MAP4K1: variants seen among roughly 807,000 people sequenced by gnomAD.
MAP4K1 encodes mitogen-activated protein kinase kinase kinase kinase 1, also known as MAPK/ERK kinase kinase kinase 1.
MAP4K1 carries 35 observed loss-of-function variants against 122.8 expected under a neutral mutation model. The observed-to-expected ratio is 0.29, with a 90% CI of 0.22 to 0.38. The LOEUF (loss-of-function observed/expected upper bound fraction) is 0.38, where lower values mean the gene tolerates loss of function less well. Among genes scored for constraint, MAP4K1 ranks in the 10% least tolerant of loss-of-function variants. The probability of loss-of-function intolerance (pLI) is 1.00; values close to 1 mark genes in which losing one functional copy is unlikely to be tolerated. For missense variants in MAP4K1, 791 were observed against 1,072.6 expected (o/e 0.74, Z 3.67); for synonymous variants, 412 against 421.3 (o/e 0.98, Z 0.27).
At chr19:38,601,765 C>T (rs1975073448) in intron 19 of MAP4K1, 1 of 492,416 alleles carries the variant, frequency 2.0e-6, no homozygotes, top group African/African-American at 2.0e-5. Flanking sequence ...TTTTCCTCCA[C>T]TATCCTAAAT....
At chr19:38,599,204 C>T (rs2144708843) in intron 22 of MAP4K1, among the ~76,000 whole-genome samples, 1 of 149,578 alleles carries the variant, frequency 6.7e-6, no homozygotes, top group Middle Eastern at 3.5e-3. Context: ...AAAAAAAAGC[C>T]AGTCATGATG....
Position 38,617,494 on chromosome 19 carries a change from C to G in MAP4K1, c.158-50G>C, listed in dbSNP as rs28435554. Reference sequence around the variant, plus strand: ...GGCAGCTCGCATGGGGAGAGAGCTACAGGGGAGGTGATCCCAGTGTCCCAG... The same window carrying G: ...GGCAGCTCGCATGGGGAGAGAGCTAGAGGGGAGGTGATCCCAGTGTCCCAG... On this transcript the variant is annotated intron_variant, in intron 2 of 30. Coordinates refer to ENST00000396857, the MANE Select transcript of MAP4K1 (RefSeq NM_001042600.3). This position sits in a 1 kb window ranked among gnomAD's most constrained non-coding sequence, Gnocchi z 4.1. 1,644 of 1,602,722 alleles carry G rather than the reference C, an allele frequency of 1.0e-3. 14 individuals carry two copies. In the African/African-American group the frequency reaches 0.02, roughly 20 times the overall value.
intron 11 of MAP4K1, among the ~76,000 whole-genome samples, chr19:38,610,848 C>T (rs1025616350): frequency 1.8e-4 from 27 of 151,834 alleles, no homozygotes; most frequent in Admixed American, 9.2e-4. Context: ...TTGTCAGTTC[C>T]GGCAACTCGG....
In MAP4K1 at chr19:38,593,909, AAAAT is replaced by A. The variant is rs150741092; in HGVS notation, c.2341-576_2341-573del. ...AAAGAGGGAAGGAACTGAGTGAGCA[AAAAT>A]AAATAAATAAAAATACTAAAGTGTA... is the stretch of plus-strand genomic sequence containing the variant. On this transcript the variant is annotated intron_variant, in intron 29 of 30. Coordinates refer to ENST00000396857, the MANE Select transcript of MAP4K1 (RefSeq NM_001042600.3). Among the ~76,000 whole-genome samples the A allele has an allele frequency of 6.0e-3, 909 of 152,256 alleles. 6 individuals are homozygous for A. Among genetic ancestry groups the A allele is most frequent in the Non-Finnish European group, 9.7e-3 (660 of 68,024 alleles).
chr19:38,615,442 A>G (rs1975621494), intron 4 of MAP4K1, among the ~76,000 whole-genome samples: 1 of 152,028 alleles, frequency 6.6e-6, no homozygotes. Context: ...TACAAAAGGA[A>G]CAGGATTGAA....
chr19:38,602,429 CACAT>C lies in MAP4K1; in HGVS notation c.1447-908_1447-905del, dbSNP rs202239217. 2.5e-4 allele frequency among the ~76,000 whole-genome samples: 37 copies of C among 149,008 alleles called. 1 individual carries two copies. The highest frequency in any genetic ancestry group is 8.0e-4 in the African/African-American group (32 of 40,240). On this transcript the variant is annotated intron_variant, in intron 19 of 30. Transcript: ENST00000396857. ...ATATATAGACACACACACACACACA[CACAT>C]ATATATACACACACACATACATATA...
At chr19:38,602,219 G>A (rs1975084943) in intron 19 of MAP4K1, among the ~76,000 whole-genome samples, 1 of 151,978 alleles carries the variant, frequency 6.6e-6, no homozygotes, top group South Asian at 2.1e-4. Context: ...GGGATTACTG[G>A]CACACAACAC....
At position 38,597,696 on chromosome 19, in the gene MAP4K1, A is replaced by C. The variant is rs1599695520; in HGVS notation, c.1670-102T>G. On this transcript the variant is annotated intron_variant, in intron 22 of 30. Coordinates refer to ENST00000396857, the MANE Select transcript of MAP4K1 (RefSeq NM_001042600.3). The surrounding 1 kb of genome is among the most constrained non-coding windows in gnomAD (Gnocchi z 4.6). ...CCTCAGCCCCATCCCTTTGTCTGAA[A>C]CTCCCAAGCCTGCAAGTCTCAAGTA... is the stretch of plus-strand genomic sequence containing the variant. The C allele has an allele frequency of 2.8e-6, 2 of 703,396 alleles. No individual in the cohort carries two copies. The highest frequency in any genetic ancestry group is 2.3e-6 in the Non-Finnish European group (1 of 431,208). The allele number at this position is 703,396 out of a possible 1,614,324, so 43.6% of individuals were successfully genotyped here.
In MAP4K1 at chr19:38,614,030, C is replaced by T; in HGVS notation, c.460+13G>A. 1 of 1,613,616 alleles carries T rather than the reference C, an allele frequency of 6.2e-7. No homozygotes were observed. The highest frequency in any genetic ancestry group is 8.5e-7 in the Non-Finnish European group (1 of 1,179,870). ...CCAGTCAGCCCCCCTGCTCAACCCC[C>T]AGCCTTACTCACCCAATCTGACCTC... On this transcript the variant is annotated intron_variant, in intron 7 of 30. Transcript: ENST00000396857.
Position 38,596,475 on chromosome 19 carries a change from G to A in MAP4K1, c.1953C>T (p.Phe651=), listed in dbSNP as rs1359521389. The A allele has an allele frequency of 1.9e-6, 3 of 1,565,166 alleles. No homozygotes were observed. Among genetic ancestry groups the A allele is most frequent in the Non-Finnish European group, 2.6e-6 (3 of 1,158,396 alleles). The change falls in exon 26 of 31, where the codon TTC becomes TTT. Residue 651 remains phenylalanine (F), a synonymous_variant. Transcript: ENST00000396857. ...NKFLLVRQVL[F]PLPTPLSVFA... ...ACACGGACAGAGGCGTCGGCAGTGG[G>A]AACAGCACCTGCTGCGGGCCGCACA...
chr19:38,591,786 C>T (rs751327624), intron 30 of MAP4K1, among the ~76,000 whole-genome samples: 137 of 151,914 alleles, frequency 9.0e-4, no homozygotes, highest in Non-Finnish European at 1.3e-3. Flanking sequence ...GCCTGGACAA[C>T]ATGGCGAAAG....
intron 30 of MAP4K1, 26 bp downstream of exon 30, chr19:38,593,256 C>T (rs779036344): frequency 1.2e-6 from 2 of 1,607,628 alleles, no homozygotes; most frequent in Non-Finnish European, 1.7e-6. Flanking sequence ...CTCCCAGGTC[C>T]TTCTGCACCC....
At chr19:38,615,424 A>C (rs1975620993) in intron 4 of MAP4K1, among the ~76,000 whole-genome samples, 1 of 152,264 alleles carries the variant, frequency 6.6e-6, no homozygotes, top group East Asian at 1.9e-4. Flanking sequence ...CAGATCATAC[A>C]TGAGACATAC....
At chr19:38,601,149 A>G (rs1332617217) in intron 20 of MAP4K1, among the ~76,000 whole-genome samples, 2 of 151,900 alleles carry the variant, frequency 1.3e-5, no homozygotes, top group Non-Finnish European at 2.9e-5. Context: ...GGGTTTCACC[A>G]TGTTGGCCAG....
intron 20 of MAP4K1, among the ~76,000 whole-genome samples, chr19:38,600,847 C>T (rs1258789608): frequency 2.1e-5 from 3 of 145,534 alleles, no homozygotes; most frequent in Non-Finnish European, 4.5e-5. Flanking sequence ...GCTCTGTTGC[C>T]CAGGCTGGAG....
At position 38,604,128 on chromosome 19, in the gene MAP4K1, C is replaced by CAAAA. The variant is rs200072842; in HGVS notation, c.1446+1277_1446+1280dup. On this transcript the variant is annotated intron_variant, in intron 19 of 30. Transcript: ENST00000396857. ...TGGGCGACAGAGCGAGATACTATCT[C>CAAAA]AAAAAAAAAAAAAAAAAAAAAAAAA... Among the ~76,000 whole-genome samples, 372 of 53,478 alleles carry CAAAA rather than the reference C, an allele frequency of 7.0e-3. 20 individuals carry two copies. Among genetic ancestry groups the CAAAA allele is most frequent in the African/African-American group, 0.015 (249 of 16,408 alleles). 35.1% of individuals were successfully genotyped at this position (53,478 alleles called of 152,430 possible).
rs1975375292 is a variant in MAP4K1 at position 38,607,859 on chromosome 19, C to T, written c.1157+5G>A. On this transcript the variant is annotated splice_donor_5th_base_variant and intron_variant, in intron 16 of 30. Coordinates refer to ENST00000396857, the MANE Select transcript of MAP4K1 (RefSeq NM_001042600.3). ...CTGTGGAGCTGCAGGCAGGGCCTCA[C>T]TTACATGTCCACGTCGTCATAGTCA... The T allele has an allele frequency of 6.2e-7, 1 of 1,610,862 alleles. No homozygotes were observed. The highest frequency in any genetic ancestry group is 8.5e-7 in the Non-Finnish European group (1 of 1,178,748).
rs1204015802 is a variant in MAP4K1 at position 38,617,454 on chromosome 19, G to A, written c.158-10C>T. On this transcript the variant is annotated splice_polypyrimidine_tract_variant and intron_variant, in intron 2 of 30. Transcript: ENST00000396857. The surrounding 1 kb of genome is among the most constrained non-coding windows in gnomAD (Gnocchi z 4.1). ...GTGGAGACATCATCATCTGTGAGGA[G>A]GGCGGGAGAGAAAAGGCAGCTCGCA... 21 of 1,607,406 alleles carry A rather than the reference G, an allele frequency of 1.3e-5. No individual in the cohort carries two copies. The highest frequency in any genetic ancestry group is 1.6e-5 in the Non-Finnish European group (19 of 1,173,934).
chr19:38,596,502 G>A lies in MAP4K1; in HGVS notation c.1942-16C>T. 1.3e-6 allele frequency: 2 copies of A among 1,526,192 alleles called. No homozygotes were observed. The highest frequency in any genetic ancestry group is 1.2e-5 in the South Asian group (1 of 82,624). The allele number at this position is 1,526,192 out of a possible 1,614,324, so 94.5% of individuals were successfully genotyped here. ...ACAGCACCTGCTGCGGGCCGCACAG[G>A]GAGGGGCGGGCTAGGGGGTGGTTCA... On this transcript the variant is annotated splice_polypyrimidine_tract_variant and intron_variant, in intron 25 of 30. Coordinates refer to ENST00000396857, the MANE Select transcript of MAP4K1 (RefSeq NM_001042600.3).
Sources: gnomAD v4.1 joint callset for allele counts (sites outside exome capture counted in the v4.1 genomes callset) on GRCh38, gnomAD v4.1.1 for gene constraint, Gnocchi (gnomAD v3.1) non-coding constraint, MANE v1.5 for transcripts, NCBI Gene and HGNC (gene_info 2026-07-23, HGNC 2026-07-21) for gene names.